NECTIN3: variants seen among roughly 807,000 people sequenced by gnomAD.
The protein encoded by NECTIN3 is nectin-3.
NECTIN3 carries 8 observed loss-of-function variants against 49.4 expected under a neutral mutation model. That is an observed-to-expected ratio of 0.16 (90% CI 0.10 to 0.29). The LOEUF (loss-of-function observed/expected upper bound fraction) is 0.29, where lower values mean the gene tolerates loss of function less well. NECTIN3 is among the 10% of genes least tolerant of loss of function. The pLI is 1.00. For missense variants in NECTIN3, 581 were observed against 654.6 expected, an observed-to-expected ratio of 0.89 and a Z score of 1.23; for synonymous variants, 277 against 241.1, an observed-to-expected ratio of 1.15 and a Z score of -1.38.
chr3:111,154,190 A>C (rs970287884), intron 7 of NECTIN3, among the ~76,000 whole-genome samples: 1 of 151,998 alleles, frequency 6.6e-6, no homozygotes, highest in African/African-American at 2.4e-5. Context: ...TCTCTTTCAT[A>C]TCCTTGGGAA....
intron 1 of NECTIN3, among the ~76,000 whole-genome samples, chr3:111,079,276 C>T (rs1323367803): frequency 6.6e-6 from 1 of 151,952 alleles, no homozygotes; most frequent in African/African-American, 2.4e-5. Context: ...TCTTAAAGTA[C>T]TCAGCAATTA....
chr3:111,149,592 C>T (rs1238080933), intron 7 of NECTIN3, among the ~76,000 whole-genome samples: 1 of 151,472 alleles, frequency 6.6e-6, no homozygotes, highest in Non-Finnish European at 1.5e-5. Context: ...TTTCTCTCCA[C>T]CCTCCTCCCA....
chr3:111,174,461 A>C (rs2035488525), intron 7 of NECTIN3, among the ~76,000 whole-genome samples: 1 of 152,140 alleles, frequency 6.6e-6, no homozygotes, highest in Non-Finnish European at 1.5e-5. Context: ...GTGCTTTATA[A>C]ATATATGGAA....
At position 111,136,890 on chromosome 3, in the gene NECTIN3, T is replaced by G; in HGVS notation, c.*2675T>G. ...ACTAAAGTAGGCTCGGGGTTAACTTTAAAAGTGATATTTGAGAAGTGCTTT... is the reference window on the plus strand; with the variant it reads ...ACTAAAGTAGGCTCGGGGTTAACTTGAAAAGTGATATTTGAGAAGTGCTTT... On this transcript the variant is annotated 3_prime_UTR_variant, in exon 6 of 6. Coordinates refer to ENST00000485303, the MANE Select transcript of NECTIN3 (RefSeq NM_015480.3). 1.0e-6 allele frequency: 1 copy of G among 967,052 alleles called. No homozygotes were observed. The highest frequency in any genetic ancestry group is 1.2e-6 in the Non-Finnish European group (1 of 813,406). The allele number at this position is 967,052 out of a possible 1,614,324, so 59.9% of individuals were successfully genotyped here.
At position 111,135,295 on chromosome 3, in the gene NECTIN3, T is replaced by C. The variant is rs746137987; in HGVS notation, c.*1080T>C. The C allele has an allele frequency of 2.6e-4, 251 of 961,568 alleles. 1 individual carries two copies. The highest frequency in any genetic ancestry group is 2.6e-4 in the Non-Finnish European group (212 of 808,696). The allele number at this position is 961,568 out of a possible 1,614,324, so 59.6% of individuals were successfully genotyped here. The stretch of plus-strand genomic sequence containing the variant: ...AGAATTAGTCGGTAACACTTGCTAA[T>C]GGACATTGGCATTCATCTCCTTTTT... On this transcript the variant is annotated 3_prime_UTR_variant, in exon 6 of 6. Coordinates refer to ENST00000485303, the MANE Select transcript of NECTIN3 (RefSeq NM_015480.3).
chr3:111,146,632 T>C (rs941446511), intron 6 of NECTIN3, among the ~76,000 whole-genome samples: 1 of 152,190 alleles, frequency 6.6e-6, no homozygotes, highest in Non-Finnish European at 1.5e-5. Flanking sequence ...GAGAATTTAT[T>C]ACTTCAGGAT....
At chr3:111,117,827 G>A (rs979244514) in intron 2 of NECTIN3, among the ~76,000 whole-genome samples, 1 of 152,058 alleles carries the variant, frequency 6.6e-6, no homozygotes, top group South Asian at 2.1e-4. Flanking sequence ...AATGTGAAAA[G>A]ATAGCTAAGA....
chr3:111,112,562 A>G (rs972589973), intron 2 of NECTIN3, among the ~76,000 whole-genome samples, 191 bp downstream of exon 2: 49 of 152,130 alleles, frequency 3.2e-4, no homozygotes, highest in African/African-American at 1.1e-3. Flanking sequence ...TTGTCTATAT[A>G]TACCTACTTA....
chr3:111,139,305 G>A (rs1267139930), downstream of NECTIN3, among the ~76,000 whole-genome samples: 1 of 151,646 alleles, frequency 6.6e-6, no homozygotes, highest in African/African-American at 2.4e-5. Flanking sequence ...ATCCATTCAT[G>A]TGATTGCTAG....
Position 111,108,690 on chromosome 3 carries a change from A to G in NECTIN3, c.161-3340A>G, listed in dbSNP as rs1437681578. Reference sequence around the variant, plus strand: ...TGAGGGCCTCAGGAAGCTTAGAATCATGGGAGAAAGTGAAGGGGAGCCAAC... The same window carrying G: ...TGAGGGCCTCAGGAAGCTTAGAATCGTGGGAGAAAGTGAAGGGGAGCCAAC... On this transcript the variant is annotated intron_variant, in intron 1 of 5. Coordinates refer to ENST00000485303, the MANE Select transcript of NECTIN3 (RefSeq NM_015480.3). 4.6e-5 allele frequency among the ~76,000 whole-genome samples: 7 copies of G among 152,176 alleles called. No individual in the cohort carries two copies. The East Asian group carries it at 5.8e-4, about 13-fold the overall frequency.
At chr3:111,166,838 A>G (rs2035327509) in intron 7 of NECTIN3, among the ~76,000 whole-genome samples, 1 of 152,244 alleles carries the variant, frequency 6.6e-6, no homozygotes, top group Non-Finnish European at 1.5e-5. Context: ...AAAACTATAT[A>G]CTATGTATAT....
At chr3:111,158,418 C>T (rs868198436) in intron 7 of NECTIN3, among the ~76,000 whole-genome samples, 29 of 151,966 alleles carry the variant, frequency 1.9e-4, no homozygotes, top group African/African-American at 6.8e-4. Context: ...GACTATCAAT[C>T]CTGTTTATGA....
intron 3 of NECTIN3, among the ~76,000 whole-genome samples, chr3:111,120,652 C>T (rs2033906645): frequency 6.6e-6 from 1 of 152,038 alleles, no homozygotes; most frequent in African/African-American, 2.4e-5. Flanking sequence ...ACAGTCTTCC[C>T]TGGCAGAGGT....
At chr3:111,120,872 T>G (rs2033920505) in intron 3 of NECTIN3, among the ~76,000 whole-genome samples, 1 of 152,126 alleles carries the variant, frequency 6.6e-6, no homozygotes. Flanking sequence ...CTTTTTCTTC[T>G]TGGCCCTCAT....
At chr3:111,161,894 C>G (rs1381984331) in intron 7 of NECTIN3, among the ~76,000 whole-genome samples, 1 of 152,102 alleles carries the variant, frequency 6.6e-6, no homozygotes, top group Admixed American at 6.6e-5. Flanking sequence ...TAGAATTTCA[C>G]CTTCATTTAG....
chr3:111,084,392 G>C (rs2031805677), intron 1 of NECTIN3, among the ~76,000 whole-genome samples: 1 of 152,176 alleles, frequency 6.6e-6, no homozygotes, highest in Non-Finnish European at 1.5e-5. Flanking sequence ...TGGTGTGGAG[G>C]CAGTAGTAAG....
chr3:111,154,965 T>C (rs939938797), intron 7 of NECTIN3, among the ~76,000 whole-genome samples: 1 of 152,144 alleles, frequency 6.6e-6, no homozygotes, highest in Non-Finnish European at 1.5e-5. Flanking sequence ...TTGAAACAAG[T>C]CTTGCTCTGT....
At chr3:111,118,166 T>G (rs2033767789) in intron 2 of NECTIN3, among the ~76,000 whole-genome samples, 1 of 148,364 alleles carries the variant, frequency 6.7e-6, no homozygotes, top group African/African-American at 2.5e-5. Context: ...TTTTTTTATT[T>G]CTTAACATTT....
At chr3:111,105,322 G>A (rs1217265698) in intron 1 of NECTIN3, among the ~76,000 whole-genome samples, 3 of 151,586 alleles carry the variant, frequency 2.0e-5, no homozygotes, top group Non-Finnish European at 4.4e-5. Flanking sequence ...TTGTAGAGAT[G>A]GGGTTTGGCC....
Sources: gnomAD v4.1 joint callset for allele counts (sites outside exome capture counted in the v4.1 genomes callset) on GRCh38, gnomAD v4.1.1 for gene constraint, MANE v1.5 for transcripts, NCBI Gene and HGNC (gene_info 2026-07-23, HGNC 2026-07-21) for gene names.